The following CTNND2 variants were observed in gnomAD, a reference collection of about 807,000 sequenced individuals.
The protein encoded by CTNND2 is catenin delta-2.
CTNND2 carries 22 observed loss-of-function variants against 144.4 expected under a neutral mutation model. The ratio of observed to expected loss-of-function variants is 0.15; its 90% CI spans 0.11 to 0.22. The LOEUF is 0.22. Among genes scored for constraint, CTNND2 ranks in the 10% least tolerant of loss-of-function variants. CTNND2 has a pLI of 1.00. For missense variants in CTNND2, 1,353 were observed against 1,618.8 expected (o/e 0.84, Z 2.82); for synonymous variants, 751 against 695.6 (o/e 1.08, Z -1.25).
intron 1 of CTNND2, among the ~76,000 whole-genome samples, chr5:11,885,078 G>T (rs908910137): frequency 6.6e-6 from 1 of 152,068 alleles, no homozygotes; most frequent in East Asian, 1.9e-4. Context: ...TTCTGTTGAG[G>T]ATTTTTACAT....
chr5:11,206,210 T>G (rs921141924), intron 10 of CTNND2, among the ~76,000 whole-genome samples: 1 of 152,226 alleles, frequency 6.6e-6, no homozygotes, highest in African/African-American at 2.4e-5. Context: ...ATGTACGGTA[T>G]ATATCGAATA....
At chr5:11,190,019 G>A (rs1169373984) in intron 11 of CTNND2, among the ~76,000 whole-genome samples, 1 of 152,158 alleles carries the variant, frequency 6.6e-6, no homozygotes, top group Non-Finnish European at 1.5e-5. Flanking sequence ...ATCCTAAAAT[G>A]TTCAAAATGA....
At chr5:11,852,574 G>A (rs1561859031) in intron 1 of CTNND2, among the ~76,000 whole-genome samples, 1 of 152,118 alleles carries the variant, frequency 6.6e-6, no homozygotes, top group Non-Finnish European at 1.5e-5. Context: ...GTACCAGTCA[G>A]GGTGATCCAA....
chr5:11,023,375 T>C (rs540422363), intron 16 of CTNND2, among the ~76,000 whole-genome samples: 1 of 152,224 alleles, frequency 6.6e-6, no homozygotes, highest in Admixed American at 6.5e-5. Context: ...TATTATTATG[T>C]TCTTGCTTGA....
At chr5:11,559,040 C>T (rs1332561402) in intron 3 of CTNND2, among the ~76,000 whole-genome samples, 1 of 152,070 alleles carries the variant, frequency 6.6e-6, no homozygotes, top group Non-Finnish European at 1.5e-5. Flanking sequence ...ACAAGATCCC[C>T]CAGGGTATGG....
At chr5:11,849,008 C>G (rs969596936) in intron 1 of CTNND2, among the ~76,000 whole-genome samples, 1 of 152,046 alleles carries the variant, frequency 6.6e-6, no homozygotes, top group East Asian at 1.9e-4. Context: ...AAGAAGAAAG[C>G]AGAACTAATA....
intron 2 of CTNND2, among the ~76,000 whole-genome samples, chr5:11,573,726 T>C (rs891802103): frequency 2.0e-5 from 3 of 152,134 alleles, no homozygotes; most frequent in Admixed American, 2.0e-4. Context: ...AGGCAGCAGA[T>C]GACAGGAATC....
chr5:11,240,898 C>T (rs1290918520), intron 9 of CTNND2, among the ~76,000 whole-genome samples: 4 of 147,212 alleles, frequency 2.7e-5, no homozygotes, highest in Admixed American at 6.8e-5. Context: ...ACCCAAAACA[C>T]ATACACTCAG....
intron 1 of CTNND2, among the ~76,000 whole-genome samples, chr5:11,756,927 G>A (rs1451771045): frequency 6.6e-6 from 1 of 151,534 alleles, no homozygotes; most frequent in Non-Finnish European, 1.5e-5. Flanking sequence ...AAACTGGTAA[G>A]TTAAAGGAAA....
chr5:11,863,213 ACT>A (rs1325436914), intron 1 of CTNND2, among the ~76,000 whole-genome samples: 1 of 152,242 alleles, frequency 6.6e-6, no homozygotes, highest in Non-Finnish European at 1.5e-5. Flanking sequence ...TACAGAGCAC[ACT>A]GTTATGCAAA....
At chr5:11,630,379 C>T (rs1393220971) in intron 2 of CTNND2, among the ~76,000 whole-genome samples, 2 of 152,164 alleles carry the variant, frequency 1.3e-5, no homozygotes, top group Non-Finnish European at 2.9e-5. Flanking sequence ...CACTAGCTTC[C>T]GGAGGGACTG....
chr5:11,416,501 T>C (rs1031559180), intron 3 of CTNND2, among the ~76,000 whole-genome samples: 6 of 152,240 alleles, frequency 3.9e-5, no homozygotes, highest in African/African-American at 1.4e-4. Context: ...TTATTTCCTT[T>C]AAGTGCACAC....
At position 11,276,582 on chromosome 5, in the gene CTNND2, T is replaced by G. The variant is rs1344401945; in HGVS notation, c.1629-39759A>C. On this transcript the variant is annotated intron_variant, in intron 9 of 21. Coordinates refer to ENST00000304623, the MANE Select transcript of CTNND2 (RefSeq NM_001332.4). Reference sequence around the variant, plus strand: ...CGACTTTAACTAGACTAGGGTATAGTGCATAGTGGGTTGCAAAGTGGCCCC... The same window carrying G: ...CGACTTTAACTAGACTAGGGTATAGGGCATAGTGGGTTGCAAAGTGGCCCC... 2.6e-5 allele frequency among the ~76,000 whole-genome samples: 4 copies of G among 152,162 alleles called. No individual in the cohort carries two copies. The East Asian group carries it at 7.7e-4, about 29-fold the overall frequency.
At chr5:10,990,918 C>T (rs1327540705) in intron 19 of CTNND2, among the ~76,000 whole-genome samples, 1 of 152,238 alleles carries the variant, frequency 6.6e-6, no homozygotes, top group East Asian at 1.9e-4. Flanking sequence ...ATTCTCATAA[C>T]ACTGATTGGC....
At chr5:11,275,081 C>A (rs141442844) in intron 9 of CTNND2, among the ~76,000 whole-genome samples, 7 of 151,994 alleles carry the variant, frequency 4.6e-5, no homozygotes, top group African/African-American at 1.7e-4. Flanking sequence ...CAGGTTAATG[C>A]GTGGGTGGGA....
chr5:11,255,293 A>T (rs767053698), intron 9 of CTNND2, among the ~76,000 whole-genome samples: 2 of 151,128 alleles, frequency 1.3e-5, no homozygotes, highest in Non-Finnish European at 3.0e-5. Context: ...GACTTGTCAC[A>T]TCGGCCCATT....
intron 6 of CTNND2, among the ~76,000 whole-genome samples, chr5:11,389,807 C>G (rs1335896136): frequency 6.6e-6 from 1 of 151,968 alleles, no homozygotes; most frequent in Non-Finnish European, 1.5e-5. Flanking sequence ...ACATGAATGT[C>G]ACAGTAGAAA....
intron 3 of CTNND2, among the ~76,000 whole-genome samples, chr5:11,512,687 A>G (rs918874067): frequency 1.3e-5 from 2 of 152,220 alleles, no homozygotes; most frequent in Non-Finnish European, 2.9e-5. Context: ...GGTCAACAGT[A>G]TTAGCATGGT....
At chr5:11,365,032 T>C (rs1756833317) in intron 7 of CTNND2, 142 bp from the exon 8 acceptor site, 2 of 667,918 alleles carry the variant, frequency 3.0e-6, no homozygotes, top group Non-Finnish European at 5.0e-6. Context: ...ATGGCAGCAA[T>C]ATGTCAACCT....
Sources: allele counts gnomAD v4.1 joint callset (sites outside exome capture counted in the v4.1 genomes callset), GRCh38; gene constraint gnomAD v4.1.1; transcripts MANE v1.5; gene names NCBI Gene and HGNC (gene_info 2026-07-23, HGNC 2026-07-21).